SLC25A26: variants seen among roughly 807,000 people sequenced by gnomAD.
SLC25A26 encodes solute carrier family 25 member 26.
In SLC25A26, 36 loss-of-function variants were observed where a neutral mutation model predicts 37.8. The ratio of observed to expected loss-of-function variants is 0.95; its 90% confidence interval spans 0.73 to 1.26. The LOEUF (loss-of-function observed/expected upper bound fraction) is 1.26. SLC25A26 is among the 50% of genes most tolerant of loss of function. SLC25A26 has a pLI of 0.00. For synonymous variants in SLC25A26, 129 were observed against 122.5 expected, an observed-to-expected ratio of 1.05 and a Z score of -0.35; for missense variants, 390 against 331.1, an observed-to-expected ratio of 1.18 and a Z score of -1.38.
At chr3:66,320,893 G>T (rs2075675409) in intron 5 of SLC25A26, among the ~76,000 whole-genome samples, 1 of 152,100 alleles carries the variant, frequency 6.6e-6, no homozygotes, top group Non-Finnish European at 1.5e-5. Context: ...TTAAAAAATT[G>T]TCATATTTTA....
chr3:66,235,524 G>A (rs1035537436), intron 1 of SLC25A26, among the ~76,000 whole-genome samples: 4 of 152,104 alleles, frequency 2.6e-5, no homozygotes, highest in Admixed American at 6.5e-5. Flanking sequence ...TACATTTAAA[G>A]CAAAGAGAAT....
At chr3:66,248,397 C>T (rs2072941302) in intron 3 of SLC25A26, among the ~76,000 whole-genome samples, 1 of 152,186 alleles carries the variant, frequency 6.6e-6, no homozygotes, top group Non-Finnish European at 1.5e-5. Flanking sequence ...GTTTTCATCA[C>T]ACACAGAAAA....
At chr3:66,294,021 T>A (rs1011220403) in intron 5 of SLC25A26, among the ~76,000 whole-genome samples, 5 of 152,258 alleles carry the variant, frequency 3.3e-5, no homozygotes, top group African/African-American at 1.2e-4. Context: ...TTGTTCCATA[T>A]GAATTTTAAA....
At chr3:66,220,090 A>G (rs1313741963), upstream of SLC25A26, among the ~76,000 whole-genome samples, 2 of 152,228 alleles carry the variant, frequency 1.3e-5, no homozygotes, top group Admixed American at 1.3e-4. Context: ...TGCTCAGGTT[A>G]TTATAACGGT....
intron 5 of SLC25A26, among the ~76,000 whole-genome samples, chr3:66,318,492 A>G (rs1559693932): frequency 6.6e-6 from 1 of 151,430 alleles, no homozygotes; most frequent in African/African-American, 2.4e-5. Flanking sequence ...CTTGCTCTCC[A>G]TGGGTCATGC....
rs1330238404 is a variant in SLC25A26 at position 66,232,970 on chromosome 3, G to C, written c.34-3574G>C. ...TGCAGTGAGGAAGATGGTGGTTCAA[G>C]TCATGGGTGGCAACTTCATGGTGGA... is the stretch of plus-strand genomic sequence containing the variant. On this transcript the variant is annotated intron_variant, in intron 1 of 9. Coordinates refer to ENST00000354883, the MANE Select transcript of SLC25A26 (RefSeq NM_001379210.1). 1.3e-5 allele frequency among the ~76,000 whole-genome samples: 2 copies of C among 152,362 alleles called. 1 individual carries two copies. Among genetic ancestry groups the C allele is most frequent in the South Asian group, 4.1e-4 (2 of 4,832 alleles).
chr3:66,288,368 G>A (rs1364893062), intron 5 of SLC25A26, among the ~76,000 whole-genome samples: 1 of 152,114 alleles, frequency 6.6e-6, no homozygotes, highest in Non-Finnish European at 1.5e-5. Flanking sequence ...TACATGTGCA[G>A]AATGTGCAGG....
At chr3:66,285,000 A>G (rs1049807790) in intron 5 of SLC25A26, among the ~76,000 whole-genome samples, 1 of 152,198 alleles carries the variant, frequency 6.6e-6, no homozygotes, top group Admixed American at 6.5e-5. Flanking sequence ...TGATAAGAAA[A>G]TACCACAATT....
At chr3:66,345,774 C>T (rs376803934) in intron 5 of SLC25A26, among the ~76,000 whole-genome samples, 22 of 152,286 alleles carry the variant, frequency 1.4e-4, no homozygotes, top group African/African-American at 4.8e-4. Context: ...AGAAATGTCA[C>T]GTCCTAAAGT....
intron 5 of SLC25A26, among the ~76,000 whole-genome samples, chr3:66,294,799 C>T (rs2074841019): frequency 6.6e-6 from 1 of 152,056 alleles, no homozygotes; most frequent in South Asian, 2.1e-4. Context: ...TACTGATTAC[C>T]ACACGTAATT....
intron 5 of SLC25A26, among the ~76,000 whole-genome samples, chr3:66,310,234 A>G (rs13070152): frequency 0.13 from 19,953 of 151,860 alleles, 1,605 homozygotes; most frequent in Non-Finnish European, 0.18. Flanking sequence ...TGTTGAATTG[A>G]CCCCTTTGCC....
At chr3:66,142,286 T>G (rs1177096695) in intron 1 of SLC25A26, among the ~76,000 whole-genome samples, 1 of 152,212 alleles carries the variant, frequency 6.6e-6, no homozygotes, top group East Asian at 1.9e-4. Flanking sequence ...TTTTTGAGGT[T>G]CATCCAGGCC....
intron 5 of SLC25A26, among the ~76,000 whole-genome samples, chr3:66,277,800 T>C (rs544963284): frequency 6.6e-6 from 1 of 152,238 alleles, no homozygotes; most frequent in African/African-American, 2.4e-5. Flanking sequence ...ACATCTCTAA[T>C]ATAATGCACC....
intron 5 of SLC25A26, among the ~76,000 whole-genome samples, chr3:66,280,336 T>G (rs1315919673): frequency 1.3e-5 from 2 of 152,236 alleles, no homozygotes; most frequent in Non-Finnish European, 2.9e-5. Context: ...ATCTTCACAG[T>G]AATTCTCAAT....
At chr3:66,206,894 C>CTTT (rs1192766670) in intron 1 of SLC25A26, among the ~76,000 whole-genome samples, 1 of 124,570 alleles carries the variant, frequency 8.0e-6, no homozygotes, top group Non-Finnish European at 1.7e-5. Context: ...TTCTTTCTTT[C>CTTT]TTTTTTTTTT....
chr3:66,208,441 C>A (rs2071209092), intron 1 of SLC25A26, among the ~76,000 whole-genome samples: 1 of 151,784 alleles, frequency 6.6e-6, no homozygotes, highest in Admixed American at 6.6e-5. Flanking sequence ...AAAGAGATTG[C>A]CACATGGATT....
At chr3:66,371,441 A>G (rs929591842) in intron 9 of SLC25A26, 18 of 1,409,580 alleles carry the variant, frequency 1.3e-5, no homozygotes, top group African/African-American at 1.0e-4. Context: ...TAAGGTTTTT[A>G]TAGGAGAGCA....
At chr3:66,286,364 T>G (rs1387713940) in intron 5 of SLC25A26, among the ~76,000 whole-genome samples, 1 of 152,194 alleles carries the variant, frequency 6.6e-6, no homozygotes, top group Non-Finnish European at 1.5e-5. Context: ...TTGAGTTGAT[T>G]TTTATTTAAG....
At chr3:66,311,404 A>G (rs958243530) in intron 5 of SLC25A26, among the ~76,000 whole-genome samples, 5 of 151,930 alleles carry the variant, frequency 3.3e-5, no homozygotes, top group African/African-American at 7.3e-5. Context: ...CCTTTTATCA[A>G]GGTTCTTAGC....
Sources: gnomAD v4.1 joint callset for allele counts (sites outside exome capture counted in the v4.1 genomes callset) on GRCh38, gnomAD v4.1.1 for gene constraint, MANE v1.5 for transcripts, NCBI Gene and HGNC (gene_info 2026-07-23, HGNC 2026-07-21) for gene names.